The following LRRIQ3 variants were observed in gnomAD, a reference collection of about 807,000 sequenced individuals.
LRRIQ3 encodes leucine rich repeats and IQ motif containing 3.
In LRRIQ3, 75 loss-of-function variants were observed where a neutral mutation model predicts 59.3. That is an observed-to-expected ratio of 1.26 (90% CI 1.05 to 1.53). The LOEUF (loss-of-function observed/expected upper bound fraction) is 1.53. LRRIQ3 is among the 40% of genes most tolerant of loss of function. The probability of loss-of-function intolerance (pLI) is 0.00; values close to 1 mark genes in which losing one functional copy is unlikely to be tolerated. For missense variants in LRRIQ3, 831 were observed against 710.0 expected (o/e 1.17, Z -1.94); for synonymous variants, 250 against 231.3 (o/e 1.08, Z -0.73).
At chr1:74,084,080 C>G (rs1003966440) in intron 5 of LRRIQ3, 6 of 1,202,288 alleles carry the variant, frequency 5.0e-6, no homozygotes, top group Non-Finnish European at 5.8e-6. Flanking sequence ...AGCTGATATC[C>G]CTAGTGTCCA....
At chr1:74,107,057 A>G (rs753235079) in intron 5 of LRRIQ3, among the ~76,000 whole-genome samples, 1 of 151,910 alleles carries the variant, frequency 6.6e-6, no homozygotes, top group Non-Finnish European at 1.5e-5. Context: ...CTTGCTCCAT[A>G]AACACTGGAT....
chr1:74,041,459 A>G lies in LRRIQ3; in HGVS notation c.1472T>C (p.Phe491Ser). ...CTCTCTAGCTTTTTCAAGGTAGTTGAATCTGTTTTGCCAAACTTGTCGTAA... is the reference window on the plus strand; with the variant it reads ...CTCTCTAGCTTTTTCAAGGTAGTTGGATCTGTTTTGCCAAACTTGTCGTAA... ...NSLRQVWQNRFNYLEKARERK... is the reference protein window; with the variant it reads ...NSLRQVWQNRSNYLEKARERK... Residue 491 changes from phenylalanine (F) to serine (S), a missense_variant, in exon 7 of 8, where the codon TTC becomes TCC. Phe to Ser is a radical substitution (Grantham distance 155, BLOSUM62 -2). Transcript: ENST00000354431. The G allele has an allele frequency of 6.2e-7, 1 of 1,613,602 alleles. No homozygotes were observed. Among genetic ancestry groups the G allele is most frequent in the African/African-American group, 1.3e-5 (1 of 75,010 alleles).
intron 4 of LRRIQ3, among the ~76,000 whole-genome samples, chr1:74,113,280 G>A (rs1285172076): frequency 6.6e-6 from 1 of 151,950 alleles, no homozygotes; most frequent in Non-Finnish European, 1.5e-5. Flanking sequence ...ACAAAAAGTT[G>A]AGGGATACAA....
At chr1:74,162,234 C>T (rs1171001684) in intron 3 of LRRIQ3, among the ~76,000 whole-genome samples, 2 of 151,710 alleles carry the variant, frequency 1.3e-5, no homozygotes, top group Non-Finnish European at 3.0e-5. Flanking sequence ...TTGATACTTA[C>T]AAAATTTTAT....
At chr1:74,056,768 T>C (rs1557596188) in intron 6 of LRRIQ3, among the ~76,000 whole-genome samples, 2 of 152,150 alleles carry the variant, frequency 1.3e-5, no homozygotes, top group South Asian at 2.1e-4. Flanking sequence ...AGAATTAGTA[T>C]TGTTAAAATG....
chr1:74,194,570 C>T (rs899435384), intron 1 of LRRIQ3, among the ~76,000 whole-genome samples: 3 of 152,040 alleles, frequency 2.0e-5, no homozygotes, highest in African/African-American at 7.2e-5. Flanking sequence ...TGTGAGACCT[C>T]ATTTTTCAAT....
At chr1:74,162,307 A>T (rs112874000) in intron 3 of LRRIQ3, among the ~76,000 whole-genome samples, 9 of 152,008 alleles carry the variant, frequency 5.9e-5, no homozygotes, top group African/African-American at 2.2e-4. Flanking sequence ...TATGAAATCA[A>T]CAAATTAACT....
intron 6 of LRRIQ3, among the ~76,000 whole-genome samples, chr1:74,058,984 T>G (rs1342709989): frequency 3.3e-5 from 5 of 152,124 alleles, no homozygotes; most frequent in Non-Finnish European, 5.9e-5. Context: ...TGTCTGTGTT[T>G]TTTATTATAG....
chr1:74,120,407 T>C (rs995046239), intron 4 of LRRIQ3, among the ~76,000 whole-genome samples: 8 of 152,070 alleles, frequency 5.3e-5, no homozygotes, highest in Admixed American at 5.3e-4. Context: ...TGAGCCACAG[T>C]GCTGGCCTCT....
intron 4 of LRRIQ3, among the ~76,000 whole-genome samples, chr1:74,125,919 T>C (rs1430027699): frequency 6.6e-6 from 1 of 151,784 alleles, no homozygotes; most frequent in African/African-American, 2.4e-5. Flanking sequence ...ACAGTTTGAA[T>C]AGGATTGGTG....
At chr1:74,082,169 A>T (rs1646280038) in intron 5 of LRRIQ3, 1 of 151,672 alleles carries the variant, frequency 6.6e-6, no homozygotes, top group African/African-American at 2.4e-5. Flanking sequence ...AAAATATTTC[A>T]TAATTTACTG....
At chr1:74,130,487 G>A (rs1361574097) in intron 4 of LRRIQ3, among the ~76,000 whole-genome samples, 3 of 152,130 alleles carry the variant, frequency 2.0e-5, no homozygotes, top group Non-Finnish European at 2.9e-5. Flanking sequence ...GAGTGTGGGG[G>A]AAGGGTGATG....
At chr1:74,073,830 G>T (rs995777346) in intron 6 of LRRIQ3, among the ~76,000 whole-genome samples, 6 of 152,008 alleles carry the variant, frequency 3.9e-5, no homozygotes, top group Admixed American at 3.9e-4. Flanking sequence ...ACCTTCAAAT[G>T]ATTTTACAAA....
intron 6 of LRRIQ3, among the ~76,000 whole-genome samples, chr1:74,051,700 G>C (rs1654375164): frequency 6.6e-6 from 1 of 152,010 alleles, no homozygotes; most frequent in South Asian, 2.1e-4. Flanking sequence ...TCTACTTTCT[G>C]TCTGCCAGAT....
intron 5 of LRRIQ3, chr1:74,084,047 C>T (rs1364673704): frequency 1.3e-6 from 1 of 795,824 alleles, no homozygotes; most frequent in African/African-American, 1.8e-5. Flanking sequence ...CTCTTTTCAA[C>T]TTTACACTTA....
At chr1:74,118,345 T>G (rs1365642527) in intron 4 of LRRIQ3, among the ~76,000 whole-genome samples, 1 of 152,180 alleles carries the variant, frequency 6.6e-6, no homozygotes, top group African/African-American at 2.4e-5. Context: ...ATTTTTTTTG[T>G]AACTTGCTTT....
At chr1:74,176,874 G>A (rs1649673784) in intron 3 of LRRIQ3, among the ~76,000 whole-genome samples, 1 of 152,006 alleles carries the variant, frequency 6.6e-6, no homozygotes, top group African/African-American at 2.4e-5. Flanking sequence ...TCCTTACTTG[G>A]CCTCCTTTGA....
intron 3 of LRRIQ3, chr1:74,180,656 C>G (rs1489768786): frequency 2.0e-6 from 3 of 1,474,870 alleles, no homozygotes; most frequent in African/African-American, 2.8e-5. Context: ...CAAATCTCTG[C>G]ACTGTCTGTC....
intron 7 of LRRIQ3, among the ~76,000 whole-genome samples, chr1:74,039,775 T>C (rs958389916): frequency 1.3e-4 from 20 of 152,014 alleles, no homozygotes; most frequent in Non-Finnish European, 2.9e-4. Flanking sequence ...TTGCAAGAGC[T>C]CCTGAAGGAA....
Sources: allele counts gnomAD v4.1 joint callset (sites outside exome capture counted in the v4.1 genomes callset), GRCh38; gene constraint gnomAD v4.1.1; transcripts MANE v1.5; gene names NCBI Gene and HGNC (gene_info 2026-07-23, HGNC 2026-07-21).